Variants in RBMS3 observed in about 807,000 individuals in gnomAD.
RBMS3 encodes RNA binding motif single stranded interacting protein 3, also known as RNA-binding motif, single-stranded-interacting protein 3.
Under a neutral mutation model 66.8 loss-of-function variants are expected in RBMS3, and 27 were observed. That is an observed-to-expected ratio of 0.40 (90% CI 0.30 to 0.56). The LOEUF (loss-of-function observed/expected upper bound fraction) is 0.56. Ranked by LOEUF, RBMS3 falls within the 20% of genes least tolerant of loss-of-function variation. The pLI is 0.40. For synonymous variants in RBMS3, 188 were observed against 183.0 expected (o/e 1.03, Z -0.22); for missense variants, 513 against 549.5 (o/e 0.93, Z 0.66).
At chr3:29,694,087 A>G (rs953341218) in intron 4 of RBMS3, among the ~76,000 whole-genome samples, 2 of 151,990 alleles carry the variant, frequency 1.3e-5, no homozygotes, top group African/African-American at 4.8e-5. Context: ...TGGTATTTGA[A>G]ACATGTATGG....
At chr3:29,754,150 CA>C (rs1433632177) in intron 5 of RBMS3, among the ~76,000 whole-genome samples, 1 of 152,018 alleles carries the variant, frequency 6.6e-6, no homozygotes, top group African/African-American at 2.4e-5. Flanking sequence ...GGCAGGGTTT[CA>C]CCATGTTGGC....
intron 3 of RBMS3, among the ~76,000 whole-genome samples, chr3:29,521,654 A>T (rs1484854598): frequency 6.6e-6 from 1 of 152,244 alleles, no homozygotes; most frequent in Non-Finnish European, 1.5e-5. Flanking sequence ...AATATGAAGC[A>T]CATGCTTTGT....
chr3:29,475,068 G>A lies in RBMS3; in HGVS notation c.249-13373G>A, dbSNP rs190084725. Among the ~76,000 whole-genome samples the A allele has an allele frequency of 1.2e-3, 175 of 152,128 alleles. 1 individual carries two copies. The highest frequency in any genetic ancestry group is 4.1e-3 in the African/African-American group (169 of 41,500). ...TTGCATAATTCACTGAGATAATATT[G>A]CAACCCAGCTGAGCAAAGTGATACA... is the stretch of plus-strand genomic sequence containing the variant. On this transcript the variant is annotated intron_variant, in intron 2 of 14. Transcript: ENST00000383767.
intron 12 of RBMS3, among the ~76,000 whole-genome samples, chr3:29,962,369 T>G (rs1264001757): frequency 1.3e-5 from 2 of 151,784 alleles, no homozygotes; most frequent in Non-Finnish European, 2.9e-5. Flanking sequence ...ATTCTAGAGG[T>G]CTAAAACCAG....
At chr3:29,305,755 C>T (rs998421323) in intron 1 of RBMS3, among the ~76,000 whole-genome samples, 3 of 151,938 alleles carry the variant, frequency 2.0e-5, no homozygotes, top group Non-Finnish European at 4.4e-5. Flanking sequence ...GAAGTTGTTT[C>T]CAGATTTCCA....
chr3:29,509,573 C>G (rs1049883837), intron 3 of RBMS3, among the ~76,000 whole-genome samples: 1 of 152,176 alleles, frequency 6.6e-6, no homozygotes, highest in African/African-American at 2.4e-5. Flanking sequence ...TCTCACATGT[C>G]ATCCCTCTTT....
At chr3:29,383,995 C>T (rs2038888880) in intron 1 of RBMS3, among the ~76,000 whole-genome samples, 1 of 152,062 alleles carries the variant, frequency 6.6e-6, no homozygotes, top group South Asian at 2.1e-4. Flanking sequence ...TAAACCATTA[C>T]CTGAGGTGGT....
chr3:29,753,755 T>A (rs2055286595), intron 5 of RBMS3, among the ~76,000 whole-genome samples: 1 of 152,158 alleles, frequency 6.6e-6, no homozygotes. Flanking sequence ...TATTTCCTTT[T>A]TGAATGATAA....
intron 3 of RBMS3, among the ~76,000 whole-genome samples, chr3:29,580,169 T>G (rs1378176467): frequency 6.6e-6 from 1 of 152,326 alleles, no homozygotes; most frequent in African/African-American, 2.4e-5. Flanking sequence ...GGGGACCTAT[T>G]CCTTTTCCCC....
At chr3:29,287,177 T>C (rs2032418753) in intron 1 of RBMS3, among the ~76,000 whole-genome samples, 1 of 152,060 alleles carries the variant, frequency 6.6e-6, no homozygotes, top group South Asian at 2.1e-4. Flanking sequence ...GCTTAGAAAA[T>C]ATCCTCTCGG....
intron 10 of RBMS3, among the ~76,000 whole-genome samples, chr3:29,912,730 G>A (rs933007691): frequency 6.6e-6 from 1 of 151,980 alleles, no homozygotes; most frequent in African/African-American, 2.4e-5. Flanking sequence ...AGGTATGTAA[G>A]TTTCTTATAA....
At chr3:29,686,553 C>T (rs539313268) in intron 4 of RBMS3, among the ~76,000 whole-genome samples, 19 of 152,232 alleles carry the variant, frequency 1.2e-4, no homozygotes, top group African/African-American at 4.6e-4. Flanking sequence ...GATGTGATTG[C>T]ATGCCCCACT....
chr3:29,520,641 G>GT (rs1053055734), intron 3 of RBMS3, among the ~76,000 whole-genome samples: 8 of 152,038 alleles, frequency 5.3e-5, no homozygotes, highest in African/African-American at 1.2e-4. Context: ...CGTAGGGAGG[G>GT]TTTTTTTAGA....
intron 12 of RBMS3, among the ~76,000 whole-genome samples, chr3:29,960,134 G>C: frequency 6.6e-6 from 1 of 152,198 alleles, no homozygotes; most frequent in South Asian, 2.1e-4. Flanking sequence ...AAAATCAAAG[G>C]CAAGTTAGTT....
chr3:29,744,178 A>G (rs1039057161), intron 5 of RBMS3, among the ~76,000 whole-genome samples: 7 of 152,052 alleles, frequency 4.6e-5, no homozygotes, highest in African/African-American at 1.7e-4. Context: ...AATTACTAAT[A>G]AGGAACTATC....
chr3:29,672,171 A>C (rs539862252), intron 4 of RBMS3, among the ~76,000 whole-genome samples: 5 of 152,344 alleles, frequency 3.3e-5, no homozygotes, highest in Admixed American at 1.3e-4. Flanking sequence ...CCAGAATTTC[A>C]TATCCAGCCA....
intron 4 of RBMS3, among the ~76,000 whole-genome samples, chr3:29,651,391 A>C (rs2050139497): frequency 6.6e-6 from 1 of 152,186 alleles, no homozygotes; most frequent in South Asian, 2.1e-4. Context: ...CGTGATTATT[A>C]TTCTTTGAAC....
chr3:29,360,682 A>G, intron 1 of RBMS3, among the ~76,000 whole-genome samples: 1 of 151,972 alleles, frequency 6.6e-6, no homozygotes, highest in East Asian at 1.9e-4. Flanking sequence ...GTGGGAGTCT[A>G]AGTCTCTTTG....
intron 6 of RBMS3, among the ~76,000 whole-genome samples, chr3:29,846,433 C>T (rs1049331938): frequency 3.3e-5 from 5 of 152,080 alleles, no homozygotes; most frequent in African/African-American, 1.2e-4. Context: ...AAAGAATGGG[C>T]TCTTTATGGG....
Sources: gnomAD v4.1 joint callset for allele counts (sites outside exome capture counted in the v4.1 genomes callset) on GRCh38, gnomAD v4.1.1 for gene constraint, MANE v1.5 for transcripts, NCBI Gene and HGNC (gene_info 2026-07-23, HGNC 2026-07-21) for gene names.